CELF3: variants seen among roughly 807,000 people sequenced by gnomAD.
The protein encoded by CELF3 is CUGBP Elav-like family member 3, also known as CAG repeat domain.
A neutral mutation model predicts 59.6 loss-of-function variants in CELF3; 26 were observed. The ratio of observed to expected loss-of-function variants is 0.44; its 90% CI spans 0.32 to 0.61. The LOEUF (loss-of-function observed/expected upper bound fraction) is 0.61. Among genes scored for constraint, CELF3 ranks in the 20% least tolerant of loss-of-function variants. The probability of loss-of-function intolerance (pLI) is 0.06; values close to 1 mark genes in which losing one functional copy is unlikely to be tolerated. For synonymous variants in CELF3, 245 were observed against 250.7 expected (o/e 0.98, Z 0.22); for missense variants, 387 against 627.2 (o/e 0.62, Z 4.09).
In CELF3 at chr1:151,709,443, T is replaced by G; in HGVS notation, c.278-95A>C. 1 of 1,544,244 alleles carries G rather than the reference T, an allele frequency of 6.5e-7. No homozygotes were observed. The highest frequency in any genetic ancestry group is 1.4e-5 in the African/African-American group (1 of 73,596). Reference sequence around the variant, plus strand: ...CCTTCCCTGGAGCTCCTAACACTACTTCTGCTACCCTTAGGGTCCAATGGC... The same window carrying G: ...CCTTCCCTGGAGCTCCTAACACTACGTCTGCTACCCTTAGGGTCCAATGGC... On this transcript the variant is annotated intron_variant, in intron 3 of 12. Coordinates refer to ENST00000290583, the MANE Select transcript of CELF3 (RefSeq NM_007185.7). This position sits in a 1 kb window ranked among gnomAD's most constrained non-coding sequence, Gnocchi z 4.9.
At chr1:151,710,819 G>A (rs1193650689) in intron 2 of CELF3, 1 of 456,494 alleles carries the variant, frequency 2.2e-6, no homozygotes, top group Non-Finnish European at 4.4e-6. Flanking sequence ...TGTCTGGTGA[G>A]AGGACTTGGA....
At chr1:151,712,383 G>A (rs1165145951) in intron 2 of CELF3, among the ~76,000 whole-genome samples, 2 of 152,170 alleles carry the variant, frequency 1.3e-5, no homozygotes, top group African/African-American at 4.8e-5. Context: ...TTCTTTTGAG[G>A]GTACAGCCTG....
At chr1:151,714,759 G>T in intron 1 of CELF3, 83 bp from the exon 2 acceptor site, 1 of 981,520 alleles carries the variant, frequency 1.0e-6, no homozygotes, top group Non-Finnish European at 1.6e-6. Context: ...TCCAAAGACT[G>T]ACGACTGGGA....
At chr1:151,713,689 C>T (rs1481962618) in intron 2 of CELF3, 1 of 152,776 alleles carries the variant, frequency 6.5e-6, no homozygotes, top group Non-Finnish European at 1.5e-5. Flanking sequence ...GGTCCTGCAG[C>T]TCACACACGT....
Position 151,707,928 on chromosome 1 carries a change from G to A in CELF3, c.494C>T (p.Ser165Leu), listed in dbSNP as rs1199276982. ...LHSSRTLPGA[S>L]SSLVVKFADT... ...AGCAAACTTCACCACCAGGCTGGAC[G>A]AGGCACCCTGGGCACGGGCCCACAC... Residue 165 changes from serine (S) to leucine (L), a missense_variant, in exon 6 of 13, where the codon TCG becomes TTG. By Grantham distance (145) the Ser-to-Leu change is moderately radical (BLOSUM62 -2). Around this residue, in one of 3 missense-constraint regions of CELF3, gnomAD observed 208 missense variants for 354.8 expected, o/e 0.59. Coordinates refer to ENST00000290583, the MANE Select transcript of CELF3 (RefSeq NM_007185.7). 2 of 1,611,612 alleles carry A rather than the reference G, an allele frequency of 1.2e-6. No individual in the cohort carries two copies. The highest frequency in any genetic ancestry group is 3.3e-5 in the Admixed American group (2 of 59,940).
chr1:151,714,520 C>T (rs1161294563), intron 2 of CELF3, 74 bp downstream of exon 2: 6 of 1,054,302 alleles, frequency 5.7e-6, no homozygotes, highest in Non-Finnish European at 8.7e-6. Flanking sequence ...TGCTCAGTGT[C>T]AGGAGGGTGG....
Position 151,716,098 on chromosome 1 carries a change from A to G in CELF3, c.-78T>C. On this transcript the variant is annotated 5_prime_UTR_variant, in exon 1 of 13. Transcript: ENST00000290583. ...AAGGGGAGCTGCCCAGCAAGGAGAT[A>G]AGTGGTGGGGCCCGGGGGCCCAGCT... 6.9e-7 allele frequency: 1 copy of G among 1,458,688 alleles called. No individual in the cohort carries two copies. Among genetic ancestry groups the G allele is most frequent in the Admixed American group, 2.4e-5 (1 of 40,858 alleles). 90.4% of individuals were successfully genotyped at this position (1,458,688 alleles called of 1,614,324 possible). A position where few individuals can be genotyped will look rare whatever the true frequency, so the allele number is the denominator to read the frequency against.
intron 7 of CELF3, 86 bp from the exon 8 acceptor site, chr1:151,707,380 G>A: frequency 6.5e-7 from 1 of 1,535,272 alleles, no homozygotes; most frequent in Non-Finnish European, 8.8e-7. Context: ...GTGGGCAGAG[G>A]GGAGGAAGCA....
Position 151,702,628 on chromosome 1 carries a change from C to T in CELF3, c.*831G>A, listed in dbSNP as rs1412218440. ...CCTCCCCACACCCCTCCTCCCAATA[C>T]CCAATTACCCCCCAAAGCAAAGGGA... On this transcript the variant is annotated 3_prime_UTR_variant, in exon 13 of 13. Transcript: ENST00000290583. The T allele has an allele frequency of 6.8e-6, 1 of 147,600 alleles. No individual in the cohort carries two copies. The highest frequency in any genetic ancestry group is 2.5e-5 in the African/African-American group (1 of 39,906). 9.1% of individuals were successfully genotyped at this position (147,600 alleles called of 1,614,324 possible).
chr1:151,712,931 A>G (rs1673147695), intron 2 of CELF3, among the ~76,000 whole-genome samples: 1 of 152,132 alleles, frequency 6.6e-6, no homozygotes, highest in Non-Finnish European at 1.5e-5. Flanking sequence ...GCATGCACAC[A>G]CACACTGCAT....
Position 151,703,430 on chromosome 1 carries a change from TCCTC to T in CELF3, c.*25_*28del. ...TGGGAAGAGGGTGTGAGGCGCCCCT[TCCTC>T]TGGGATCTCCAGACCTGTGAAGGAA... On this transcript the variant is annotated 3_prime_UTR_variant, in exon 13 of 13. Transcript: ENST00000290583. 1 of 359,798 alleles carries T rather than the reference TCCTC, an allele frequency of 2.8e-6. No homozygotes were observed. The highest frequency in any genetic ancestry group is 5.5e-6 in the Non-Finnish European group (1 of 180,838). 22.3% of individuals were successfully genotyped at this position (359,798 alleles called of 1,614,324 possible). A position where few individuals can be genotyped will look rare whatever the true frequency, so the allele number is the denominator to read the frequency against.
rs753987555 is a variant in CELF3 at position 151,716,777 on chromosome 1, C to G, written c.-757G>C. The G allele has an allele frequency of 2.1e-6, 1 of 466,622 alleles. No individual in the cohort carries two copies. The highest frequency in any genetic ancestry group is 1.6e-5 in the South Asian group (1 of 64,328). 28.9% of individuals were successfully genotyped at this position (466,622 alleles called of 1,614,324 possible). The stretch of plus-strand genomic sequence containing the variant: ...CACCTGGGTCCCGGAGCTCTGCTCT[C>G]CGGCCGCGCTCTCCTCAACAAAAAC... On this transcript the variant is annotated 5_prime_UTR_variant, in exon 1 of 13. Coordinates refer to ENST00000290583, the MANE Select transcript of CELF3 (RefSeq NM_007185.7).
Position 151,707,336 on chromosome 1 carries a change from C to T in CELF3, c.773-42G>A, listed in dbSNP as rs542783141. On this transcript the variant is annotated intron_variant, in intron 7 of 12. Transcript: ENST00000290583. ...GACAGGGAGAGAGCAGAGGAGCAGACACACACACAGGCAGAGAACCAGTCA... is the reference window on the plus strand; with the variant it reads ...GACAGGGAGAGAGCAGAGGAGCAGATACACACACAGGCAGAGAACCAGTCA... 59 of 1,550,936 alleles carry T rather than the reference C, an allele frequency of 3.8e-5. No homozygotes were observed. In the South Asian group the frequency reaches 6.7e-4, roughly 18 times the overall value.
In CELF3 at chr1:151,705,739, C is replaced by T. The variant is rs920304336; in HGVS notation, c.1270+83G>A. 2.7e-6 allele frequency: 4 copies of T among 1,458,248 alleles called. No individual in the cohort carries two copies. In the Admixed American group the frequency reaches 7.3e-5, roughly 27 times the overall value. The allele number at this position is 1,458,248 out of a possible 1,614,324, so 90.3% of individuals were successfully genotyped here. ...ATCAGTATTTCAAATACTGGGTCCA[C>T]TGTGACCATAAATGCCTTCAAATAT... On this transcript the variant is annotated intron_variant, in intron 11 of 12. Transcript: ENST00000290583. This position sits in a 1 kb window ranked among gnomAD's most constrained non-coding sequence, Gnocchi z 5.1.
rs1341744485 is a variant in CELF3 at position 151,702,659 on chromosome 1, T to G, written c.*800A>C. 6.6e-6 allele frequency: 1 copy of G among 151,732 alleles called. No homozygotes were observed. Among genetic ancestry groups the G allele is most frequent in the East Asian group, 2.0e-4 (1 of 5,106 alleles). The allele number at this position is 151,732 out of a possible 1,614,324, so 9.4% of individuals were successfully genotyped here. ...TACCCCCCAAAGCAAAGGGAGAAAT[T>G]AAGAGAGAGAAAAAAATCCAAGGGC... On this transcript the variant is annotated 3_prime_UTR_variant, in exon 13 of 13. Transcript: ENST00000290583.
In CELF3 at chr1:151,707,111, T is replaced by G. The variant is rs767564382; in HGVS notation, c.922+34A>C. ...TAATGGGAGTGGTGGTTTAGATGGT[T>G]GCTGGGACGGAGTGGGCAGGCAGAG... On this transcript the variant is annotated intron_variant, in intron 8 of 12. Transcript: ENST00000290583. 2.4e-5 allele frequency: 35 copies of G among 1,452,850 alleles called. No individual in the cohort carries two copies. In the Middle Eastern group the frequency reaches 5.4e-4, roughly 22 times the overall value. 90.0% of individuals were successfully genotyped at this position (1,452,850 alleles called of 1,614,324 possible).
chr1:151,706,192 G>A (rs1453442193), intron 10 of CELF3, 32 bp downstream of exon 10: 1 of 1,611,458 alleles, frequency 6.2e-7, no homozygotes, highest in Middle Eastern at 2.1e-4. Context: ...CATAACGAGG[G>A]CATTCCTGTC....
chr1:151,706,509 G>C (rs1341503462), intron 9 of CELF3, 148 bp from the exon 10 acceptor site: 2 of 1,169,528 alleles, frequency 1.7e-6, no homozygotes, highest in South Asian at 2.9e-5. Context: ...AGACCCCTGG[G>C]TGTGCTGCCC....
Position 151,705,323 on chromosome 1 carries a change from G to T in CELF3, c.1271-155C>A, listed in dbSNP as rs897808574. Reference sequence around the variant, plus strand: ...TTCCTTAGGAATTTGTTGATTGATGGGTTGAATGGATGAATCCAGTCCAGC... The same window carrying T: ...TTCCTTAGGAATTTGTTGATTGATGTGTTGAATGGATGAATCCAGTCCAGC... On this transcript the variant is annotated intron_variant, in intron 11 of 12. Coordinates refer to ENST00000290583, the MANE Select transcript of CELF3 (RefSeq NM_007185.7). The surrounding 1 kb of genome is among the most constrained non-coding windows in gnomAD (Gnocchi z 5.1). 6.6e-6 allele frequency among the ~76,000 whole-genome samples: 1 copy of T among 152,184 alleles called. No homozygotes were observed. Among genetic ancestry groups the T allele is most frequent in the African/African-American group, 2.4e-5 (1 of 41,434 alleles).
Sources: gnomAD v4.1 joint callset for allele counts (sites outside exome capture counted in the v4.1 genomes callset) on GRCh38, gnomAD v4.1.1 for gene constraint, gnomAD v4.1.1 regional missense constraint, Gnocchi (gnomAD v3.1) non-coding constraint, MANE v1.5 for transcripts, NCBI Gene and HGNC (gene_info 2026-07-23, HGNC 2026-07-21) for gene names.